The following SLC25A20 variants were observed in gnomAD, a reference collection of about 807,000 sequenced individuals.
SLC25A20 encodes solute carrier family 25 member 20.
A neutral mutation model predicts 39.7 loss-of-function variants in SLC25A20; 29 were observed. The observed-to-expected ratio is 0.73, with a 90% confidence interval of 0.54 to 1.00. The LOEUF (loss-of-function observed/expected upper bound fraction) is 1.00. Among genes scored for constraint, SLC25A20 ranks in the 50% least tolerant of loss-of-function variants. The pLI is 0.00. For missense variants in SLC25A20, 333 were observed against 379.9 expected, an observed-to-expected ratio of 0.88 and a Z score of 1.03; for synonymous variants, 103 against 142.2, an observed-to-expected ratio of 0.72 and a Z score of 1.96.
chr3:48,857,708 C>T lies in SLC25A20; in HGVS notation c.*2G>A. 1 of 1,613,764 alleles carries T rather than the reference C, an allele frequency of 6.2e-7. No homozygotes were observed. The highest frequency in any genetic ancestry group is 8.5e-7 in the Non-Finnish European group (1 of 1,179,890). On this transcript the variant is annotated 3_prime_UTR_variant, in exon 9 of 9. Coordinates refer to ENST00000319017, the MANE Select transcript of SLC25A20 (RefSeq NM_000387.6). ...AGAAGTGAACTTGAGCAGCCTTCAG[C>T]CTCACAAGTTGGGGGTGGCCCAATT... is the stretch of plus-strand genomic sequence containing the variant.
At chr3:48,858,963 T>C (rs2083602176) in intron 7 of SLC25A20, 129 bp downstream of exon 7, 1 of 757,958 alleles carries the variant, frequency 1.3e-6, no homozygotes, top group East Asian at 2.7e-5. Context: ...GGGAGAATAT[T>C]GGTCAGGCAG....
intron 2 of SLC25A20, among the ~76,000 whole-genome samples, chr3:48,887,070 T>A (rs891281752): frequency 2.0e-5 from 3 of 152,058 alleles, no homozygotes; most frequent in Non-Finnish European, 4.4e-5. Flanking sequence ...AAGAACAAAG[T>A]ACAGAGGCAG....
At chr3:48,894,183 TTCTCTCTCTC>T (rs375593797) in intron 1 of SLC25A20, among the ~76,000 whole-genome samples, 84 of 110,276 alleles carry the variant, frequency 7.6e-4, no homozygotes, top group Middle Eastern at 5.2e-3. Flanking sequence ...AAGAAGAAGA[TTCTCTCTCTC>T]TCTCTCTCTC....
chr3:48,859,229 T>C (rs756077638), intron 6 of SLC25A20, 28 bp from the exon 7 acceptor site: 3 of 1,587,924 alleles, frequency 1.9e-6, no homozygotes, highest in Admixed American at 1.7e-5. Context: ...CAGCCCCAGT[T>C]AGACAAAGGC....
intron 4 of SLC25A20, among the ~76,000 whole-genome samples, chr3:48,878,606 C>A (rs1283848530): frequency 1.3e-5 from 2 of 151,870 alleles, no homozygotes; most frequent in Non-Finnish European, 2.9e-5. Context: ...TCAAGACCAG[C>A]CTGACCAACA....
chr3:48,890,955 C>T (rs2083869443), intron 2 of SLC25A20, among the ~76,000 whole-genome samples: 2 of 151,748 alleles, frequency 1.3e-5, no homozygotes, highest in Admixed American at 6.6e-5. Context: ...CGCCCAGCCA[C>T]CCCCTTGTCT....
At chr3:48,872,885 A>T (rs1028718913) in intron 4 of SLC25A20, among the ~76,000 whole-genome samples, 4 of 151,984 alleles carry the variant, frequency 2.6e-5, no homozygotes, top group African/African-American at 9.7e-5. Flanking sequence ...AAATTGACTC[A>T]AATGAGGTCA....
chr3:48,898,616 G>A, intron 1 of SLC25A20, 74 bp downstream of exon 1: 1 of 1,357,450 alleles, frequency 7.4e-7, no homozygotes, highest in South Asian at 1.2e-5. Context: ...CAGCGTCCGC[G>A]CCTCGCGGGG....
intron 4 of SLC25A20, among the ~76,000 whole-genome samples, chr3:48,876,615 G>A (rs553142774): frequency 6.1e-4 from 92 of 151,238 alleles, no homozygotes; most frequent in African/African-American, 2.2e-3. Context: ...TAGTAGAGAC[G>A]GGGTTTCACC....
intron 1 of SLC25A20, 51 bp from the exon 2 acceptor site, chr3:48,892,123 T>TGGCAGA: frequency 7.1e-7 from 1 of 1,402,288 alleles, no homozygotes; most frequent in East Asian, 2.3e-5. Context: ...GAACTGCCTG[T>TGGCAGA]CAGCAGCAAT....
intron 4 of SLC25A20, among the ~76,000 whole-genome samples, chr3:48,876,111 G>A (rs1476827751): frequency 6.6e-6 from 1 of 152,108 alleles, no homozygotes; most frequent in Non-Finnish European, 1.5e-5. Context: ...GGGATGCCGA[G>A]GTGGGTGGAT....
In SLC25A20 at chr3:48,860,473, T is replaced by G. The variant is rs570962916; in HGVS notation, c.536-846A>C. On this transcript the variant is annotated intron_variant, in intron 5 of 8. Transcript: ENST00000319017. ...ACCAAAAATTAGCCGGGCATGGTGGTGCATGCCTGTAGTCCCAGCTACTCA... is the reference window on the plus strand; with the variant it reads ...ACCAAAAATTAGCCGGGCATGGTGGGGCATGCCTGTAGTCCCAGCTACTCA... Among the ~76,000 whole-genome samples the G allele has an allele frequency of 2.9e-3, 430 of 150,706 alleles. 4 individuals carry two copies. The highest frequency in any genetic ancestry group is 1.0e-2 in the African/African-American group (408 of 41,004).
At chr3:48,864,877 C>T (rs1472376842) in intron 4 of SLC25A20, among the ~76,000 whole-genome samples, 1 of 151,976 alleles carries the variant, frequency 6.6e-6, no homozygotes, top group Admixed American at 6.6e-5. Flanking sequence ...TGAAAGCCAG[C>T]CTAATTGCTC....
chr3:48,893,077 A>G (rs1006171684), intron 1 of SLC25A20, among the ~76,000 whole-genome samples: 2 of 151,032 alleles, frequency 1.3e-5, no homozygotes, highest in Non-Finnish European at 2.9e-5. Context: ...CTCAGGCTGG[A>G]GTGCGGCGGT....
At chr3:48,859,369 G>C (rs2083605580) in intron 6 of SLC25A20, among the ~76,000 whole-genome samples, 168 bp from the exon 7 acceptor site, 1 of 152,226 alleles carries the variant, frequency 6.6e-6, no homozygotes, top group Non-Finnish European at 1.5e-5. Context: ...TCATGCACCT[G>C]TTTCAAATAT....
intron 7 of SLC25A20, 105 bp from the exon 8 acceptor site, chr3:48,858,736 A>C (rs952680060): frequency 2.7e-5 from 37 of 1,368,684 alleles, no homozygotes; most frequent in Non-Finnish European, 3.5e-5. Context: ...CTTGCAGGTC[A>C]TGTGGGACCA....
chr3:48,897,365 A>ATT (rs1372803902), intron 1 of SLC25A20, among the ~76,000 whole-genome samples: 29 of 104,318 alleles, frequency 2.8e-4, no homozygotes, highest in Non-Finnish European at 3.2e-4. Context: ...ATATATATAT[A>ATT]TATTTTTTTT....
chr3:48,858,545 AC>A lies in SLC25A20; in HGVS notation c.804del (p.Phe269SerfsTer4), dbSNP rs753414360. ...AAGGCTCGGATCATCACTGCATTGA[AC>A]CCTTTGTACAAGGATGTGACTCCTT... Reference protein sequence around the residue: ...RDEGVTSLYKGFNAVMIRAFP... With the variant: ...RDEGVTSLYKXFNAVMIRAFP... On this transcript the variant is annotated frameshift_variant, in exon 8 of 9. Transcript: ENST00000319017. LOFTEE classifies it high-confidence loss of function. 3.1e-6 allele frequency: 5 copies of A among 1,613,856 alleles called. No individual in the cohort carries two copies. Among genetic ancestry groups the A allele is most frequent in the African/African-American group, 2.7e-5 (2 of 74,830 alleles).
intron 2 of SLC25A20, 78 bp downstream of exon 2, chr3:48,891,902 C>T: frequency 8.6e-7 from 1 of 1,163,480 alleles, no homozygotes; most frequent in Non-Finnish European, 1.3e-6. Flanking sequence ...ACACAGTTAA[C>T]CTACTCTCCT....
Sources: gnomAD v4.1 joint callset for allele counts (sites outside exome capture counted in the v4.1 genomes callset) on GRCh38, gnomAD v4.1.1 for gene constraint, MANE v1.5 for transcripts, NCBI Gene and HGNC (gene_info 2026-07-23, HGNC 2026-07-21) for gene names.